The following DST variants were observed in gnomAD, a reference collection of about 807,000 sequenced individuals.
DST encodes the protein bullous pemphigoid antigen.
In DST, 253 loss-of-function variants were observed where a neutral mutation model predicts 875.2. That is an observed-to-expected ratio of 0.29 (90% CI 0.26 to 0.32). The LOEUF (loss-of-function observed/expected upper bound fraction) is 0.32. DST is among the 10% of genes least tolerant of loss of function. The pLI is 1.00. For missense variants in DST, 8,287 were observed against 9,111.6 expected (o/e 0.91, Z 3.68); for synonymous variants, 3,124 against 3,197.1 (o/e 0.98, Z 0.77).
At chr6:56,575,700 A>G (rs1429080632) in intron 50 of DST, among the ~76,000 whole-genome samples, 1 of 152,204 alleles carries the variant, frequency 6.6e-6, no homozygotes, top group East Asian at 1.9e-4. Flanking sequence ...GTCTCTGGCC[A>G]TAGCTCTTGA....
chr6:56,679,783 C>A (rs531059684), intron 9 of DST, among the ~76,000 whole-genome samples: 7 of 151,940 alleles, frequency 4.6e-5, no homozygotes, highest in Admixed American at 1.3e-4. Context: ...AATAAAAATT[C>A]TTCACTACTT....
intron 4 of DST, among the ~76,000 whole-genome samples, chr6:56,835,666 A>T (rs1217358122): frequency 6.6e-6 from 1 of 152,174 alleles, no homozygotes; most frequent in African/African-American, 2.4e-5. Context: ...TTATTAACCC[A>T]GTGTCTATCT....
intron 5 of DST, among the ~76,000 whole-genome samples, chr6:56,726,941 T>C (rs2099462933): frequency 6.6e-6 from 1 of 152,202 alleles, no homozygotes; most frequent in Non-Finnish European, 1.5e-5. Context: ...CAGCTTTGAG[T>C]CTAGTTTTGA....
At chr6:56,658,014 C>T (rs983378028) in intron 10 of DST, among the ~76,000 whole-genome samples, 2 of 152,046 alleles carry the variant, frequency 1.3e-5, no homozygotes, top group African/African-American at 4.8e-5. Flanking sequence ...GATCCACTCG[C>T]CTCGGCCCCC....
chr6:56,651,331 A>C, intron 10 of DST, 87 bp from the exon 11 acceptor site: 2 of 731,364 alleles, frequency 2.7e-6, no homozygotes, highest in Admixed American at 3.2e-5. Flanking sequence ...TTACATAACA[A>C]CATCTGCTAA....
At chr6:56,736,507 A>C (rs1405319621) in intron 4 of DST, among the ~76,000 whole-genome samples, 3 of 152,042 alleles carry the variant, frequency 2.0e-5, no homozygotes, top group Admixed American at 1.3e-4. Context: ...TTCTGCCTCC[A>C]GGGCTACCTC....
At chr6:56,600,307 C>G in intron 44 of DST, 86 bp from the exon 45 acceptor site, 1 of 1,335,750 alleles carries the variant, frequency 7.5e-7, no homozygotes, top group South Asian at 1.3e-5. Context: ...AACACATTTT[C>G]CAAGTTTTGT....
chr6:56,537,777 T>C (rs2097039702), intron 61 of DST, among the ~76,000 whole-genome samples: 1 of 152,224 alleles, frequency 6.6e-6, no homozygotes, highest in African/African-American at 2.4e-5. Flanking sequence ...AAGGATTTAA[T>C]GTGCTAGATT....
At chr6:56,806,569 C>T (rs1350888181) in intron 4 of DST, among the ~76,000 whole-genome samples, 1 of 152,150 alleles carries the variant, frequency 6.6e-6, no homozygotes, top group African/African-American at 2.4e-5. Flanking sequence ...TAAAAGCAAG[C>T]GTGTGGCAGT....
At chr6:56,503,846 C>A in intron 78 of DST, 151 bp downstream of exon 78, 1 of 496,450 alleles carries the variant, frequency 2.0e-6, no homozygotes, top group Non-Finnish European at 3.5e-6. Flanking sequence ...TTATATATTG[C>A]TTAGCATGTG....
chr6:56,811,183 CAAAAAAAAAAAAAAAAAAA>C (rs371256050), intron 4 of DST, among the ~76,000 whole-genome samples: 2 of 33,358 alleles, frequency 6.0e-5, no homozygotes, highest in Admixed American at 9.2e-4. Flanking sequence ...GACCCTGTCT[CAAAAAAAAAAAAAAAAAAA>C]AAAAAAAAAG....
intron 2 of DST, among the ~76,000 whole-genome samples, chr6:56,932,715 T>C (rs1424056852): frequency 6.6e-6 from 1 of 151,794 alleles, no homozygotes; most frequent in Non-Finnish European, 1.5e-5. Flanking sequence ...GGATACAAGA[T>C]AAAAATTACA....
chr6:56,609,676 CA>C, intron 39 of DST, among the ~76,000 whole-genome samples: 1 of 152,176 alleles, frequency 6.6e-6, no homozygotes, highest in Middle Eastern at 3.4e-3. Flanking sequence ...ATCTAGAAGG[CA>C]AACCATGCTT....
chr6:56,767,614 C>CAAATAAAT (rs148013834), intron 4 of DST, among the ~76,000 whole-genome samples: 25 of 142,454 alleles, frequency 1.8e-4, no homozygotes, highest in African/African-American at 3.1e-4. Flanking sequence ...GACCCTGTCT[C>CAAATAAAT]AAATAAATAA....
Position 56,670,640 on chromosome 6 carries a change from C to A in DST, c.1214+1G>T. On this transcript the variant is annotated splice_donor_variant, in intron 10 of 103. Coordinates refer to ENST00000680361, the MANE Select transcript of DST (RefSeq NM_001374736.1). LOFTEE classifies it high-confidence loss of function. ...AAGGAAAAAATACACAAATTCCATA[C>A]CTGTATTTATGAATGATGGCATTAA... 6.4e-7 allele frequency: 1 copy of A among 1,557,764 alleles called. No individual in the cohort carries two copies. Among genetic ancestry groups the A allele is most frequent in the Non-Finnish European group, 8.7e-7 (1 of 1,150,828 alleles).
At chr6:56,482,963 A>G in intron 88 of DST, 86 bp from the exon 89 acceptor site, 4 of 984,190 alleles carry the variant, frequency 4.1e-6, no homozygotes, top group African/African-American at 1.7e-5. Context: ...ATGTGCACAT[A>G]ACATCATGTA....
chr6:56,880,167 T>C (rs562519577), intron 3 of DST, among the ~76,000 whole-genome samples: 36 of 152,344 alleles, frequency 2.4e-4, no homozygotes, highest in African/African-American at 8.7e-4. Flanking sequence ...CTTACAATTT[T>C]CTCTTAGCTA....
At chr6:56,941,284 T>C (rs1176066250) in intron 2 of DST, among the ~76,000 whole-genome samples, 1 of 152,188 alleles carries the variant, frequency 6.6e-6, no homozygotes, top group Non-Finnish European at 1.5e-5. Context: ...ATTTCCTTTA[T>C]GGTTTCCTTA....
chr6:56,653,932 ATACT>A (rs1278095508), intron 10 of DST, among the ~76,000 whole-genome samples: 1 of 152,170 alleles, frequency 6.6e-6, no homozygotes, highest in African/African-American at 2.4e-5. Flanking sequence ...CACATAGAAG[ATACT>A]TACTTTCATT....
Sources: gnomAD v4.1 joint callset for allele counts (sites outside exome capture counted in the v4.1 genomes callset) on GRCh38, gnomAD v4.1.1 for gene constraint, MANE v1.5 for transcripts, NCBI Gene and HGNC (gene_info 2026-07-23, HGNC 2026-07-21) for gene names.